The following RSPH9 variants were observed in gnomAD, a reference collection of about 807,000 sequenced individuals.
RSPH9 encodes the protein radial spoke head protein 9 homolog.
Under a neutral mutation model 27.0 loss-of-function variants are expected in RSPH9, and 27 were observed. The observed-to-expected ratio is 1.00, with a 90% CI of 0.74 to 1.38. The LOEUF is 1.38. Among genes scored for constraint, RSPH9 ranks in the 40% most tolerant of loss-of-function variants. The pLI is 0.00. For missense variants in RSPH9, 347 were observed against 357.4 expected (o/e 0.97, Z 0.24); for synonymous variants, 145 against 147.7 (o/e 0.98, Z 0.13).
intron 4 of RSPH9, among the ~76,000 whole-genome samples, chr6:43,662,631 C>T (rs890481594): frequency 2.2e-4 from 34 of 151,764 alleles, no homozygotes; most frequent in East Asian, 2.1e-3. Context: ...CCTCCCAAAG[C>T]GCTGGGATTA....
At chr6:43,664,041 AAG>A (rs1772896483) in intron 4 of RSPH9, among the ~76,000 whole-genome samples, 1 of 152,110 alleles carries the variant, frequency 6.6e-6, no homozygotes, top group African/African-American at 2.4e-5. Context: ...AAAAAAAAAA[AAG>A]AGTTTGAAAA....
At chr6:43,656,763 A>G in intron 4 of RSPH9, 40 bp downstream of exon 4, 1 of 1,607,440 alleles carries the variant, frequency 6.2e-7, no homozygotes, top group East Asian at 2.2e-5. Flanking sequence ...ATCTGTCCTC[A>G]GGCCATAGCA....
chr6:43,670,744 G>A lies in RSPH9; in HGVS notation c.671-45G>A, dbSNP rs550766275. The A allele has an allele frequency of 5.2e-5, 82 of 1,582,014 alleles. 1 individual carries two copies. The South Asian group carries it at 8.7e-4, about 17-fold the overall frequency. ...GCCACAGCATGAAGGGCAGAGCTGT[G>A]GCTCCAGCAGCACCAGGCCTCACCT... On this transcript the variant is annotated intron_variant, in intron 4 of 4. Transcript: ENST00000372163.
At position 43,656,484 on chromosome 6, in the gene RSPH9, T is replaced by A. The variant is rs1772061513; in HGVS notation, c.524-93T>A. Reference sequence around the variant, plus strand: ...TCTGACAGTGGTTGACAGGGTCTTTTGTAAGCCCTACCATGTGGTCCCAGT... The same window carrying A: ...TCTGACAGTGGTTGACAGGGTCTTTAGTAAGCCCTACCATGTGGTCCCAGT... On this transcript the variant is annotated intron_variant, in intron 3 of 4. Transcript: ENST00000372163. 2.1e-6 allele frequency: 3 copies of A among 1,431,170 alleles called. No individual in the cohort carries two copies. The Admixed American group carries it at 5.0e-5, about 24-fold the overall frequency. The allele number at this position is 1,431,170 out of a possible 1,614,324, so 88.7% of individuals were successfully genotyped here.
rs752207744 is a variant in RSPH9, at chr6:43,645,161, C to T, written c.63C>T (p.Ser21=). The T allele has an allele frequency of 1.2e-6, 2 of 1,613,618 alleles. No individual in the cohort carries two copies. The highest frequency in any genetic ancestry group is 1.1e-5 in the South Asian group (1 of 91,086). Reference sequence around the variant, plus strand: ...CGTCCGGCAGTGGGCAGGGCCTCAGCCCGGACCGTCGGGCCTCGCTGCTCA... The same window carrying T: ...CGTCCGGCAGTGGGCAGGGCCTCAGTCCGGACCGTCGGGCCTCGCTGCTCA... ...ELASGSGQGL[S]PDRRASLLTS... is the part of the protein sequence containing the mutation. The change falls in exon 1 of 5, where the codon AGC becomes AGT. Residue 21 remains serine (S), a synonymous_variant. Coordinates refer to ENST00000372163, the MANE Select transcript of RSPH9 (RefSeq NM_152732.5).
At position 43,670,922 on chromosome 6, in the gene RSPH9, G is replaced by A. The variant is rs542453386; in HGVS notation, c.804G>A (p.Lys268=). 3.1e-6 allele frequency: 5 copies of A among 1,614,222 alleles called. No homozygotes were observed. Among genetic ancestry groups the A allele is most frequent in the East Asian group, 4.5e-5 (2 of 44,872 alleles). The change falls in exon 5 of 5, where the codon AAG becomes AAA. Residue 268 remains lysine, a synonymous_variant. Coordinates refer to ENST00000372163, the MANE Select transcript of RSPH9 (RefSeq NM_152732.5). The part of the protein sequence containing the change: ...YGYVYVGTGE[K]NMDLPFML ...ACGTCTACGTGGGCACTGGCGAGAA[G>A]AACATGGACTTGCCCTTCATGCTAT... is the stretch of plus-strand genomic sequence containing the variant.
chr6:43,669,492 T>C (rs928323879), intron 4 of RSPH9, among the ~76,000 whole-genome samples: 16 of 152,230 alleles, frequency 1.1e-4, no homozygotes, highest in African/African-American at 3.4e-4. Flanking sequence ...GTGGAGTGAC[T>C]AGGGTGAACC....
chr6:43,658,690 C>A (rs1415327085), intron 4 of RSPH9, among the ~76,000 whole-genome samples: 2 of 151,902 alleles, frequency 1.3e-5, no homozygotes, highest in African/African-American at 4.8e-5. Context: ...TACAGGCGCC[C>A]GCCACCATGC....
At chr6:43,662,091 G>C (rs1039623974) in intron 4 of RSPH9, among the ~76,000 whole-genome samples, 1 of 152,102 alleles carries the variant, frequency 6.6e-6, no homozygotes, top group Non-Finnish European at 1.5e-5. Context: ...TGTTGCCCAG[G>C]CTGGCCCCAA....
chr6:43,646,172 C>T (rs541932253), intron 1 of RSPH9, among the ~76,000 whole-genome samples: 53 of 151,962 alleles, frequency 3.5e-4, no homozygotes, highest in Non-Finnish European at 5.4e-4. Context: ...CGCTCTGTCG[C>T]CCAGGCTGGA....
intron 1 of RSPH9, among the ~76,000 whole-genome samples, chr6:43,649,119 C>G (rs1244684654): frequency 2.4e-4 from 36 of 151,852 alleles, no homozygotes. Context: ...ACAGCATTTT[C>G]TAGAAGGACA....
At chr6:43,661,809 G>A (rs9472104) in intron 4 of RSPH9, among the ~76,000 whole-genome samples, 1 of 151,982 alleles carries the variant, frequency 6.6e-6, no homozygotes, top group Non-Finnish European at 1.5e-5. Context: ...GCTGCAGCTT[G>A]TACATTAGCA....
chr6:43,660,715 G>A (rs140326350), intron 4 of RSPH9, among the ~76,000 whole-genome samples: 31 of 152,174 alleles, frequency 2.0e-4, no homozygotes, highest in African/African-American at 7.0e-4. Context: ...TGCCAGTCTC[G>A]GCCTCCGAAA....
At position 43,671,673 on chromosome 6, in the gene RSPH9, CAGG is replaced by C. The variant is rs1223678786; in HGVS notation, c.*727_*729del. 1.3e-6 allele frequency: 2 copies of C among 1,495,204 alleles called. No homozygotes were observed. The highest frequency in any genetic ancestry group is 1.4e-5 in the African/African-American group (1 of 72,376). The allele number at this position is 1,495,204 out of a possible 1,614,324, so 92.6% of individuals were successfully genotyped here. A position where few individuals can be genotyped will look rare whatever the true frequency, so the allele number is the denominator to read the frequency against. ...ACCAGGCCATCGTGGTGGGGTGGGA[CAGG>C]AGTATAGTTGTGGCCAAGGGCTTGT... On this transcript the variant is annotated 3_prime_UTR_variant, in exon 5 of 5. Coordinates refer to ENST00000372163, the MANE Select transcript of RSPH9 (RefSeq NM_152732.5).
chr6:43,667,781 A>ATT lies in RSPH9; in HGVS notation c.671-2999_671-2998dup, dbSNP rs148243628. The stretch of plus-strand genomic sequence containing the variant: ...CCTCTCCCACTGGGAACCCATGGCC[A>ATT]TTTTTTTTTTGTATGTGACAAAAAT... On this transcript the variant is annotated intron_variant, in intron 4 of 4. Transcript: ENST00000372163. Among the ~76,000 whole-genome samples the ATT allele has an allele frequency of 2.0e-5, 3 of 146,600 alleles. No homozygotes were observed. The East Asian group carries it at 5.9e-4, about 29-fold the overall frequency.
intron 4 of RSPH9, among the ~76,000 whole-genome samples, chr6:43,661,518 G>A (rs113449749): frequency 0.018 from 2,737 of 152,036 alleles, 39 homozygotes; most frequent in Non-Finnish European, 0.029. Flanking sequence ...AAAATTAGCC[G>A]GGCATGGTGG....
chr6:43,657,895 GGGTCAGGCCTGGTGAGTATTT>G (rs1482648099), intron 4 of RSPH9, among the ~76,000 whole-genome samples: 2 of 152,160 alleles, frequency 1.3e-5, no homozygotes, highest in Admixed American at 1.3e-4. Context: ...AAACTAAGCA[GGGTCAGGCCTGGTGAGTATTT>G]GGATGCAAGA....
In RSPH9 at chr6:43,670,898, C is replaced by T. The variant is rs372218633; in HGVS notation, c.780C>T (p.Tyr260=). 2.7e-5 allele frequency: 44 copies of T among 1,614,222 alleles called. No individual in the cohort carries two copies. In the African/African-American group the frequency reaches 3.7e-4, roughly 14 times the overall value. The part of the protein sequence containing the change: ...YHAPRTKNYG[Y]VYVGTGEKNM... ...CTCCCCGCACCAAGAACTATGGCTACGTCTACGTGGGCACTGGCGAGAAGA... is the reference window on the plus strand; with the variant it reads ...CTCCCCGCACCAAGAACTATGGCTATGTCTACGTGGGCACTGGCGAGAAGA... Residue 260 remains tyrosine (Y), a synonymous_variant, in exon 5 of 5, where the codon TAC becomes TAT. Transcript: ENST00000372163.
intron 2 of RSPH9, among the ~76,000 whole-genome samples, chr6:43,655,062 T>C (rs1561939523): frequency 6.6e-6 from 1 of 152,232 alleles, no homozygotes; most frequent in East Asian, 1.9e-4. Flanking sequence ...ATGAAGAAAG[T>C]ATACCAATAT....
Sources: gnomAD v4.1 joint callset for allele counts (sites outside exome capture counted in the v4.1 genomes callset) on GRCh38, gnomAD v4.1.1 for gene constraint, MANE v1.5 for transcripts, NCBI Gene and HGNC (gene_info 2026-07-23, HGNC 2026-07-21) for gene names.